Variants in ARHGAP24 observed in about 807,000 individuals in gnomAD.
ARHGAP24 encodes the protein Rho GTPase activating protein 24.
A neutral mutation model predicts 76.4 loss-of-function variants in ARHGAP24; 50 were observed. That is an observed-to-expected ratio of 0.65 (90% CI 0.52 to 0.83). The LOEUF (loss-of-function observed/expected upper bound fraction) is 0.83, where lower values mean the gene tolerates loss of function less well. ARHGAP24 is among the 40% of genes least tolerant of loss of function. The pLI is 0.00. For missense variants in ARHGAP24, 930 were observed against 914.2 expected (o/e 1.02, Z -0.22); for synonymous variants, 345 against 323.3 (o/e 1.07, Z -0.72).
At chr4:85,839,439 G>A (rs1730465938) in intron 3 of ARHGAP24, among the ~76,000 whole-genome samples, 1 of 151,986 alleles carries the variant, frequency 6.6e-6, no homozygotes, top group African/African-American at 2.4e-5. Flanking sequence ...AATATGTCTG[G>A]TCATAATTCT....
At chr4:85,911,259 G>A (rs2148799636) in intron 3 of ARHGAP24, among the ~76,000 whole-genome samples, 1 of 152,326 alleles carries the variant, frequency 6.6e-6, no homozygotes, top group East Asian at 1.9e-4. Flanking sequence ...GCTCCCACTT[G>A]TACCGGGCTC....
At chr4:85,712,469 G>C (rs1388206241) in intron 2 of ARHGAP24, among the ~76,000 whole-genome samples, 1 of 152,196 alleles carries the variant, frequency 6.6e-6, no homozygotes, top group Non-Finnish European at 1.5e-5. Flanking sequence ...TGTTGTAACA[G>C]ATTGTCACAA....
chr4:85,798,779 G>A (rs998761877), intron 3 of ARHGAP24, among the ~76,000 whole-genome samples: 2 of 152,056 alleles, frequency 1.3e-5, no homozygotes, highest in Admixed American at 6.5e-5. Flanking sequence ...GCAAATTGAG[G>A]GAGATTTTCT....
At chr4:85,900,455 CT>C (rs200569734) in intron 3 of ARHGAP24, among the ~76,000 whole-genome samples, 166 of 144,968 alleles carry the variant, frequency 1.1e-3, no homozygotes, top group East Asian at 6.2e-3. Context: ...GAAGAGCATT[CT>C]TTTTTTTTTT....
At chr4:85,484,373 A>G (rs1722936876) in intron 1 of ARHGAP24, among the ~76,000 whole-genome samples, 1 of 152,166 alleles carries the variant, frequency 6.6e-6, no homozygotes, top group Admixed American at 6.5e-5. Flanking sequence ...TAATTGACAT[A>G]TTTGTTTTGA....
chr4:85,815,921 T>A (rs942264773), intron 3 of ARHGAP24, among the ~76,000 whole-genome samples: 7 of 152,092 alleles, frequency 4.6e-5, no homozygotes, highest in African/African-American at 1.4e-4. Context: ...ACAATCATGG[T>A]GGAAGGTGAA....
At chr4:85,979,608 A>T (rs186255249) in intron 8 of ARHGAP24, among the ~76,000 whole-genome samples, 1 of 152,248 alleles carries the variant, frequency 6.6e-6, no homozygotes, top group African/African-American at 2.4e-5. Flanking sequence ...ACTTAGCATA[A>T]TGTCCTCAAG....
At chr4:85,626,868 C>A (rs992524662) in intron 2 of ARHGAP24, among the ~76,000 whole-genome samples, 1 of 152,180 alleles carries the variant, frequency 6.6e-6, no homozygotes, top group Non-Finnish European at 1.5e-5. Context: ...TTGATCGCAT[C>A]GGCTACTGAG....
At chr4:85,576,349 G>A (rs868243731) in intron 2 of ARHGAP24, among the ~76,000 whole-genome samples, 1 of 151,684 alleles carries the variant, frequency 6.6e-6, no homozygotes, top group Non-Finnish European at 1.5e-5. Context: ...AAAATGGCGC[G>A]AACCCGGGAG....
At position 85,782,274 on chromosome 4, in the gene ARHGAP24, A is replaced by G. The variant is rs543307862; in HGVS notation, c.268+60302A>G. Reference sequence around the variant, plus strand: ...AAATTTAATTTTCGTGTTCATACCTAAATAGGAAATTCGACATACTAAAGA... The same window carrying G: ...AAATTTAATTTTCGTGTTCATACCTGAATAGGAAATTCGACATACTAAAGA... On this transcript the variant is annotated intron_variant, in intron 3 of 9. Transcript: ENST00000395184. Among the ~76,000 whole-genome samples, 34 of 152,288 alleles carry G rather than the reference A, an allele frequency of 2.2e-4. No individual in the cohort carries two copies. The East Asian group carries it at 6.6e-3, about 29-fold the overall frequency.
chr4:85,784,895 G>A (rs1727735944), intron 3 of ARHGAP24, among the ~76,000 whole-genome samples: 1 of 151,086 alleles, frequency 6.6e-6, no homozygotes, highest in Non-Finnish European at 1.5e-5. Flanking sequence ...ATTTGAAGAT[G>A]ATTATATATC....
At chr4:85,720,535 A>C (rs560906239) in intron 2 of ARHGAP24, among the ~76,000 whole-genome samples, 1 of 152,290 alleles carries the variant, frequency 6.6e-6, no homozygotes, top group East Asian at 1.9e-4. Context: ...CTTTGAGATA[A>C]GTGGAAATGT....
chr4:85,511,537 A>T (rs981799366), intron 1 of ARHGAP24, among the ~76,000 whole-genome samples: 8 of 151,932 alleles, frequency 5.3e-5, no homozygotes, highest in Admixed American at 3.9e-4. Context: ...ATCTCGACTC[A>T]CTGCAACCTC....
At chr4:85,668,665 C>G (rs757762884) in intron 2 of ARHGAP24, among the ~76,000 whole-genome samples, 1 of 152,078 alleles carries the variant, frequency 6.6e-6, no homozygotes, top group Non-Finnish European at 1.5e-5. Flanking sequence ...ACATCTTACT[C>G]TGTCTGAGTT....
intron 2 of ARHGAP24, among the ~76,000 whole-genome samples, chr4:85,662,901 T>A (rs1215379111): frequency 6.6e-6 from 1 of 152,168 alleles, no homozygotes; most frequent in Admixed American, 6.5e-5. Flanking sequence ...ACCAGTACCA[T>A]GCTGTTTTGG....
At chr4:85,664,855 TG>T (rs1722548789) in intron 2 of ARHGAP24, among the ~76,000 whole-genome samples, 1 of 152,222 alleles carries the variant, frequency 6.6e-6, no homozygotes, top group Non-Finnish European at 1.5e-5. Flanking sequence ...AGTTCTAGTT[TG>T]ATTGCACTGT....
chr4:85,526,898 A>G (rs1017769527), intron 1 of ARHGAP24, among the ~76,000 whole-genome samples: 1 of 152,168 alleles, frequency 6.6e-6, no homozygotes, highest in African/African-American at 2.4e-5. Flanking sequence ...TTGTATTAAT[A>G]TTTTACTTTT....
At chr4:85,621,498 G>A (rs1720718382) in intron 2 of ARHGAP24, among the ~76,000 whole-genome samples, 2 of 151,868 alleles carry the variant, frequency 1.3e-5, no homozygotes, top group Non-Finnish European at 1.5e-5. Flanking sequence ...GTTTTAATTA[G>A]CATTTCTCTG....
At chr4:85,878,771 A>G (rs1287354498) in intron 3 of ARHGAP24, among the ~76,000 whole-genome samples, 1 of 152,194 alleles carries the variant, frequency 6.6e-6, no homozygotes, top group Non-Finnish European at 1.5e-5. Flanking sequence ...AGTTATGTCC[A>G]TTAAGAGATT....
Sources: allele counts gnomAD v4.1 joint callset (sites outside exome capture counted in the v4.1 genomes callset), GRCh38; gene constraint gnomAD v4.1.1; transcripts MANE v1.5; gene names NCBI Gene and HGNC (gene_info 2026-07-23, HGNC 2026-07-21).